CCDC62: variants seen among roughly 807,000 people sequenced by gnomAD.
The protein encoded by CCDC62 is coiled-coil domain-containing protein 62.
CCDC62 carries 72 observed loss-of-function variants against 80.8 expected under a neutral mutation model. The ratio of observed to expected loss-of-function variants is 0.89; its 90% CI spans 0.74 to 1.08. The LOEUF (loss-of-function observed/expected upper bound fraction) is 1.08, where lower values mean the gene tolerates loss of function less well. Among genes scored for constraint, CCDC62 ranks in the 50% least tolerant of loss-of-function variants. The pLI, the probability that CCDC62 is intolerant of heterozygous loss-of-function variation, is 0.00. For missense variants in CCDC62, 704 were observed against 809.4 expected (o/e 0.87, Z 1.58); for synonymous variants, 286 against 296.5 (o/e 0.96, Z 0.36).
At chr12:122,780,957 G>A (rs1350463002) in intron 2 of CCDC62, among the ~76,000 whole-genome samples, 3 of 152,256 alleles carry the variant, frequency 2.0e-5, no homozygotes, top group Non-Finnish European at 4.4e-5. Flanking sequence ...GATTATGTTC[G>A]GGAAGTGACC....
At chr12:122,782,496 T>A (rs1429465203) in intron 3 of CCDC62, among the ~76,000 whole-genome samples, 1 of 152,182 alleles carries the variant, frequency 6.6e-6, no homozygotes, top group Non-Finnish European at 1.5e-5. Flanking sequence ...TTCACTCTTG[T>A]TGCCCAGGCT....
intron 12 of CCDC62, 120 bp from the exon 13 acceptor site, chr12:122,826,302 T>A: frequency 2.3e-6 from 1 of 442,502 alleles, no homozygotes. Context: ...TTGCATGTCC[T>A]GATGTTGATG....
chr12:122,801,755 A>G lies in CCDC62; in HGVS notation c.1609A>G (p.Ile537Val). The G allele has an allele frequency of 6.2e-7, 1 of 1,614,152 alleles. No homozygotes were observed. The highest frequency in any genetic ancestry group is 1.1e-5 in the South Asian group (1 of 91,078). ...CATGTCTGACGTGGAGTGGATGAGT[A>G]TTTTCAAGCCTTCCAAAATGCAGAG... is the stretch of plus-strand genomic sequence containing the variant. ...GHMSDVEWMS[I>V]FKPSKMQRIV... is the part of the protein sequence containing the mutation. Residue 537 changes from isoleucine (I) to valine (V), a missense_variant, in exon 9 of 13, where the codon ATT becomes GTT. By Grantham distance (29) the Ile-to-Val change is conservative (BLOSUM62 3). Coordinates refer to ENST00000253079, the MANE Select transcript of CCDC62 (RefSeq NM_201435.5).
chr12:122,795,199 C>T (rs1474472260), intron 6 of CCDC62, among the ~76,000 whole-genome samples: 1 of 151,464 alleles, frequency 6.6e-6, no homozygotes, highest in Admixed American at 6.6e-5. Flanking sequence ...TGCAGGCACA[C>T]GTCACGACAC....
intron 6 of CCDC62, 103 bp from the exon 7 acceptor site, chr12:122,797,201 GAAC>G (rs1047561019): frequency 1.9e-5 from 12 of 633,344 alleles, no homozygotes; most frequent in Admixed American, 2.4e-5. Context: ...TTAAGTACAG[GAAC>G]AACAACAACA....
chr12:122,811,073 G>A (rs1282471775), intron 10 of CCDC62, among the ~76,000 whole-genome samples: 1 of 151,780 alleles, frequency 6.6e-6, no homozygotes, highest in Non-Finnish European at 1.5e-5. Context: ...TAATGTAAAT[G>A]ATGAGTTAAT....
chr12:122,798,226 A>G (rs1190596001), intron 8 of CCDC62, 26 bp downstream of exon 8: 2 of 1,058,636 alleles, frequency 1.9e-6, no homozygotes, highest in Non-Finnish European at 1.5e-6. Context: ...TGCAATTAAT[A>G]TGATCTTGTA....
intron 11 of CCDC62, among the ~76,000 whole-genome samples, chr12:122,821,983 C>G (rs1593840677): frequency 6.7e-6 from 1 of 150,210 alleles, no homozygotes; most frequent in Non-Finnish European, 1.5e-5. Flanking sequence ...AATCCTAGCC[C>G]TTTGGGAGGC....
chr12:122,821,011 G>A (rs1219336895), intron 11 of CCDC62, among the ~76,000 whole-genome samples: 1 of 152,114 alleles, frequency 6.6e-6, no homozygotes, highest in Non-Finnish European at 1.5e-5. Flanking sequence ...GGGAGGTGAG[G>A]AGGTGGGCTC....
chr12:122,812,649 T>C (rs1466019372), intron 10 of CCDC62, among the ~76,000 whole-genome samples: 59 of 7,844 alleles, frequency 7.5e-3, no homozygotes, highest in Non-Finnish European at 0.011. Flanking sequence ...GAGGCTGAGG[T>C]GGGTGGAGCT....
Position 122,781,234 on chromosome 12 carries a change from A to G in CCDC62, c.300A>G (p.Gln100=), listed in dbSNP as rs761615898. ...TKKVKALESN[Q]MECQTALQKT... ...AGGTAAAAGCTCTTGAATCCAATCA[A>G]ATGGAATGCCAAACAGCTCTCCAAA... The change falls in exon 3 of 13, where the codon CAA becomes CAG. Residue 100 remains glutamine (Q), a synonymous_variant. Transcript: ENST00000253079. 15 of 1,613,974 alleles carry G rather than the reference A, an allele frequency of 9.3e-6. No individual in the cohort carries two copies. The highest frequency in any genetic ancestry group is 1.1e-5 in the Non-Finnish European group (13 of 1,179,848).
intron 8 of CCDC62, among the ~76,000 whole-genome samples, chr12:122,799,041 C>T (rs1363301484): frequency 6.6e-6 from 1 of 152,060 alleles, no homozygotes; most frequent in African/African-American, 2.4e-5. Flanking sequence ...GATTGCGCCA[C>T]TGCACTTCAG....
chr12:122,779,444 T>C (rs1879685898), intron 2 of CCDC62, among the ~76,000 whole-genome samples: 1 of 152,028 alleles, frequency 6.6e-6, no homozygotes, highest in African/African-American at 2.4e-5. Flanking sequence ...AATAGACACA[T>C]GAATCACCTA....
chr12:122,821,677 G>A (rs2032408577), intron 11 of CCDC62, among the ~76,000 whole-genome samples: 1 of 151,954 alleles, frequency 6.6e-6, no homozygotes, highest in East Asian at 1.9e-4. Context: ...AAACTCCTGG[G>A]CTCAAGAGAT....
Position 122,794,783 on chromosome 12 carries a change from A to C in CCDC62, c.773-2524A>C, listed in dbSNP as rs113870520. 3.0e-3 allele frequency among the ~76,000 whole-genome samples: 453 copies of C among 152,244 alleles called. 2 individuals carry two copies. The highest frequency in any genetic ancestry group is 9.7e-3 in the African/African-American group (404 of 41,544). On this transcript the variant is annotated intron_variant, in intron 6 of 12. Coordinates refer to ENST00000253079, the MANE Select transcript of CCDC62 (RefSeq NM_201435.5). ...GTGATCCTGCCACCTCAGCCTCCTG[A>C]GTTGCTGGGACTACAGGCATGTGTC...
At chr12:122,809,701 G>A (rs2031784415) in intron 10 of CCDC62, among the ~76,000 whole-genome samples, 1 of 152,190 alleles carries the variant, frequency 6.6e-6, no homozygotes, top group Non-Finnish European at 1.5e-5. Flanking sequence ...AAAAGAGCTC[G>A]CATTGTCAAG....
At chr12:122,812,777 G>GAGAGAGAGAGAAAGAAAGAA (rs750420995) in intron 10 of CCDC62, among the ~76,000 whole-genome samples, 4 of 57,760 alleles carry the variant, frequency 6.9e-5, no homozygotes, top group African/African-American at 3.1e-4. Flanking sequence ...GAGAGAGAGA[G>GAGAGAGAGAGAAAGAAAGAA]AGAAAGAAAG....
chr12:122,798,078 A>G lies in CCDC62; in HGVS notation c.862-7A>G, dbSNP rs750412388. On this transcript the variant is annotated splice_polypyrimidine_tract_variant and splice_region_variant and intron_variant, in intron 7 of 12. Transcript: ENST00000253079. Reference sequence around the variant, plus strand: ...ATTTCATGTTGATTTGTCAATATCTATGACAGATTTATGTAAAACAACAGA... The same window carrying G: ...ATTTCATGTTGATTTGTCAATATCTGTGACAGATTTATGTAAAACAACAGA... 9 of 1,312,616 alleles carry G rather than the reference A, an allele frequency of 6.9e-6. No homozygotes were observed. The East Asian group carries it at 9.2e-5, about 13-fold the overall frequency. The allele number at this position is 1,312,616 out of a possible 1,614,324, so 81.3% of individuals were successfully genotyped here.
chr12:122,795,645 TG>T (rs1323233203), intron 6 of CCDC62, among the ~76,000 whole-genome samples: 1 of 152,038 alleles, frequency 6.6e-6, no homozygotes, highest in African/African-American at 2.4e-5. Flanking sequence ...AGGATGGTCT[TG>T]ATTTCCTGAC....
Sources: gnomAD v4.1 joint callset for allele counts (sites outside exome capture counted in the v4.1 genomes callset) on GRCh38, gnomAD v4.1.1 for gene constraint, MANE v1.5 for transcripts, NCBI Gene and HGNC (gene_info 2026-07-23, HGNC 2026-07-21) for gene names.